Variants in SLC17A4 observed in about 807,000 individuals in gnomAD.
The protein encoded by SLC17A4 is solute carrier family 17 member 4, also known as probable small intestine urate exporter.
SLC17A4 carries 33 observed loss-of-function variants against 52.5 expected under a neutral mutation model. The observed-to-expected ratio is 0.63, with a 90% CI of 0.48 to 0.84. The LOEUF (loss-of-function observed/expected upper bound fraction) is 0.84. SLC17A4 is among the 40% of genes least tolerant of loss of function. SLC17A4 has a pLI of 0.00. For missense variants in SLC17A4, 585 were observed against 597.1 expected, an observed-to-expected ratio of 0.98 and a Z score of 0.21; for synonymous variants, 225 against 216.2, an observed-to-expected ratio of 1.04 and a Z score of -0.36.
At chr6:25,761,895 C>G (rs1761569716) in intron 1 of SLC17A4, 32 bp from the exon 2 acceptor site, 1 of 1,285,640 alleles carries the variant, frequency 7.8e-7, no homozygotes, top group African/African-American at 1.5e-5. Context: ...AAGATTCTCC[C>G]TGTATTTTCT....
intron 5 of SLC17A4, 36 bp from the exon 6 acceptor site, chr6:25,770,890 C>A: frequency 6.5e-7 from 1 of 1,532,580 alleles, no homozygotes. Flanking sequence ...CAAGACGAGT[C>A]CTCTCACCCA....
chr6:25,756,706 C>T (rs1173279686), intron 1 of SLC17A4, among the ~76,000 whole-genome samples: 2 of 152,124 alleles, frequency 1.3e-5, no homozygotes, highest in Non-Finnish European at 2.9e-5. Context: ...AAGGAGAGGG[C>T]AATTTAATGA....
At chr6:25,773,146 C>A in intron 6 of SLC17A4, 129 bp from the exon 7 acceptor site, 2 of 759,590 alleles carry the variant, frequency 2.6e-6, no homozygotes, top group South Asian at 1.6e-5. Flanking sequence ...TAGGGCCATG[C>A]AAGGGATAGA....
At chr6:25,767,926 C>T (rs887458230) in intron 2 of SLC17A4, among the ~76,000 whole-genome samples, 1 of 152,078 alleles carries the variant, frequency 6.6e-6, no homozygotes, top group Non-Finnish European at 1.5e-5. Context: ...AGTTACACAA[C>T]AATAAAAAGT....
intron 6 of SLC17A4, among the ~76,000 whole-genome samples, chr6:25,772,129 A>G (rs569876558): frequency 7.2e-5 from 11 of 152,360 alleles, no homozygotes; most frequent in Non-Finnish European, 1.6e-4. Flanking sequence ...ATTCCATAGC[A>G]TATCAACCTT....
intron 1 of SLC17A4, among the ~76,000 whole-genome samples, chr6:25,755,036 G>C (rs912553123): frequency 9.4e-5 from 10 of 106,732 alleles, no homozygotes; most frequent in African/African-American, 2.6e-4. Flanking sequence ...CAGACAGACA[G>C]ACACACACAC....
chr6:25,761,883 A>G (rs76254260), intron 1 of SLC17A4, 44 bp from the exon 2 acceptor site: 1 of 1,183,428 alleles, frequency 8.5e-7, no homozygotes, highest in Non-Finnish European at 1.2e-6. Flanking sequence ...GTAATATCAT[A>G]TAAGATTCTC....
At chr6:25,769,222 T>C in intron 3 of SLC17A4, 32 bp downstream of exon 3, 1 of 1,566,798 alleles carries the variant, frequency 6.4e-7, no homozygotes. Context: ...ACTCTTTCTT[T>C]GACTCAAATA....
intron 2 of SLC17A4, chr6:25,768,336 G>T: frequency 1.0e-6 from 1 of 982,262 alleles, no homozygotes; most frequent in Non-Finnish European, 1.2e-6. Flanking sequence ...TTCTCTACAG[G>T]GATAGTGGAT....
intron 9 of SLC17A4, 25 bp downstream of exon 9, chr6:25,776,752 G>T (rs1220104219): frequency 6.2e-7 from 1 of 1,613,942 alleles, no homozygotes; most frequent in Non-Finnish European, 8.5e-7. Flanking sequence ...GGACACAGGG[G>T]TGAACGTGGG....
intron 2 of SLC17A4, among the ~76,000 whole-genome samples, chr6:25,768,087 G>A (rs979902865): frequency 1.3e-5 from 2 of 152,096 alleles, no homozygotes; most frequent in African/African-American, 4.8e-5. Context: ...AATTTAATCT[G>A]TCATATCAAT....
intron 2 of SLC17A4, among the ~76,000 whole-genome samples, chr6:25,763,364 AGCC>A (rs1276725116): frequency 1.3e-5 from 2 of 152,198 alleles, no homozygotes; most frequent in African/African-American, 4.8e-5. Context: ...TACTCCTCCA[AGCC>A]TTACCAAGTT....
At position 25,777,125 on chromosome 6, in the gene SLC17A4, C is replaced by T. The variant is rs954099485; in HGVS notation, c.1268+166C>T. The T allele has an allele frequency of 5.2e-6, 4 of 767,676 alleles. No homozygotes were observed. The African/African-American group carries it at 7.0e-5, about 13-fold the overall frequency. 47.6% of individuals were successfully genotyped at this position (767,676 alleles called of 1,614,324 possible). A position where few individuals can be genotyped will look rare whatever the true frequency, so the allele number is the denominator to read the frequency against. On this transcript the variant is annotated intron_variant, in intron 10 of 11. Transcript: ENST00000377905. The stretch of plus-strand genomic sequence containing the variant: ...AATAATTCCTGGAAGAGACTCAAAG[C>T]TGGTGGACCATTGTGAACTTAGTTT...
intron 2 of SLC17A4, chr6:25,768,468 T>A: frequency 3.9e-6 from 3 of 765,074 alleles, no homozygotes; most frequent in Non-Finnish European, 1.6e-6. Context: ...AGATGAAGTT[T>A]AAATACTTCT....
intron 1 of SLC17A4, among the ~76,000 whole-genome samples, chr6:25,758,364 C>G (rs553242533): frequency 7.2e-5 from 11 of 152,332 alleles, no homozygotes; most frequent in African/African-American, 2.2e-4. Context: ...ACCTGTGTCC[C>G]TGAAATTTAT....
intron 1 of SLC17A4, among the ~76,000 whole-genome samples, chr6:25,756,036 T>C (rs952799856): frequency 7.9e-5 from 12 of 152,170 alleles, no homozygotes; most frequent in Non-Finnish European, 1.5e-4. Context: ...TCAACACTTG[T>C]ACAGGTGAAG....
chr6:25,779,190 C>A lies in SLC17A4; in HGVS notation c.*2C>A. 6.2e-7 allele frequency: 1 copy of A among 1,613,398 alleles called. No individual in the cohort carries two copies. The highest frequency in any genetic ancestry group is 2.2e-5 in the East Asian group (1 of 44,874). On this transcript the variant is annotated 3_prime_UTR_variant, in exon 12 of 12. Transcript: ENST00000377905. ...GAGCAGACATTCACCCACCTCTGAG[C>A]AAACCGAGAGATGTGCTAGATCCTG...
chr6:25,770,806 C>T lies in SLC17A4; in HGVS notation c.620-120C>T. 7.7e-6 allele frequency: 6 copies of T among 775,402 alleles called. No individual in the cohort carries two copies. The South Asian group carries it at 9.4e-5, about 12-fold the overall frequency. 48.0% of individuals were successfully genotyped at this position (775,402 alleles called of 1,614,324 possible). A position where few individuals can be genotyped will look rare whatever the true frequency, so the allele number is the denominator to read the frequency against. On this transcript the variant is annotated intron_variant, in intron 5 of 11. Coordinates refer to ENST00000377905, the MANE Select transcript of SLC17A4 (RefSeq NM_005495.3). ...ATCACATAGTTACCAAGTGAAGGAACCTAGATAGTTTGGCTTGAAACTCAT... is the reference window on the plus strand; with the variant it reads ...ATCACATAGTTACCAAGTGAAGGAATCTAGATAGTTTGGCTTGAAACTCAT...
At position 25,771,017 on chromosome 6, in the gene SLC17A4, G is replaced by T. The variant is rs1265147002; in HGVS notation, c.706+5G>T. ...CTTACGTCTTCTATATCTTTGGTGA[G>T]TGTGCTTTTCAAATCTCCAATTTTT... On this transcript the variant is annotated splice_donor_5th_base_variant and intron_variant, in intron 6 of 11. Coordinates refer to ENST00000377905, the MANE Select transcript of SLC17A4 (RefSeq NM_005495.3). 7 of 1,612,074 alleles carry T rather than the reference G, an allele frequency of 4.3e-6. No individual in the cohort carries two copies. In the South Asian group the frequency reaches 7.7e-5, roughly 18 times the overall value.
Sources: gnomAD v4.1 joint callset for allele counts (sites outside exome capture counted in the v4.1 genomes callset) on GRCh38, gnomAD v4.1.1 for gene constraint, MANE v1.5 for transcripts, NCBI Gene and HGNC (gene_info 2026-07-23, HGNC 2026-07-21) for gene names.